Variants in DPP6 observed in about 807,000 individuals in gnomAD.
DPP6 encodes A-type potassium channel modulatory protein DPP6.
In DPP6, 69 loss-of-function variants were observed where a neutral mutation model predicts 122.6. That is an observed-to-expected ratio of 0.56 (90% CI 0.46 to 0.69). The LOEUF (loss-of-function observed/expected upper bound fraction) is 0.69. Among genes scored for constraint, DPP6 ranks in the 30% least tolerant of loss-of-function variants. DPP6 has a pLI of 0.00. For missense variants in DPP6, 928 were observed against 1,116.9 expected, an observed-to-expected ratio of 0.83 and a Z score of 2.41; for synonymous variants, 418 against 433.1, an observed-to-expected ratio of 0.97 and a Z score of 0.43.
At chr7:153,866,431 T>C in the DPP6 span, among the ~76,000 whole-genome samples, 3 of 152,194 alleles carry the variant, frequency 2.0e-5, no homozygotes, top group African/African-American at 7.2e-5. Context: ...TCATGTGTTT[T>C]TTGTCTGCAT....
At chr7:154,587,807 C>G (rs35392762) in intron 5 of DPP6, 10 of 1,612,220 alleles carry the variant, frequency 6.2e-6, no homozygotes, top group South Asian at 1.1e-5. Context: ...GACTATGTCT[C>G]GGCAGTCAAT....
chr7:153,901,417 C>T (rs957252972), intron 1 of DPP6, among the ~76,000 whole-genome samples: 2 of 152,158 alleles, frequency 1.3e-5, no homozygotes, highest in African/African-American at 2.4e-5. Context: ...GGATAAAGGT[C>T]GAAACCCTCT....
intron 1 of DPP6, among the ~76,000 whole-genome samples, chr7:153,940,869 G>T (rs1335560758): frequency 6.6e-6 from 1 of 152,158 alleles, no homozygotes; most frequent in Non-Finnish European, 1.5e-5. Flanking sequence ...AAGACAAGGT[G>T]TCTGGCCTTT....
At chr7:154,635,748 AC>A (rs1054308052) in intron 5 of DPP6, among the ~76,000 whole-genome samples, 19 of 152,172 alleles carry the variant, frequency 1.2e-4, no homozygotes, top group African/African-American at 4.1e-4. Flanking sequence ...GAGATGGGGA[AC>A]CCATTTCCAC....
intron 1 of DPP6, among the ~76,000 whole-genome samples, chr7:154,199,618 C>A (rs962378089): frequency 1.8e-4 from 25 of 142,170 alleles, no homozygotes; most frequent in African/African-American, 6.2e-4. Context: ...TTTTTTTTTT[C>A]TTTTTTTTTG....
intron 1 of DPP6, among the ~76,000 whole-genome samples, chr7:154,361,272 A>G (rs184606247): frequency 2.7e-5 from 4 of 146,158 alleles, no homozygotes; most frequent in Admixed American, 2.7e-4. Context: ...GAAGCTGACT[A>G]ACAGCACACT....
chr7:154,238,434 G>A (rs751401939), intron 1 of DPP6, among the ~76,000 whole-genome samples: 60 of 152,174 alleles, frequency 3.9e-4, no homozygotes, highest in Admixed American at 9.8e-4. Context: ...GACAATATGA[G>A]GTGATAATAG....
chr7:153,869,954 T>C, the DPP6 span, among the ~76,000 whole-genome samples: 1 of 152,234 alleles, frequency 6.6e-6, no homozygotes, highest in Non-Finnish European at 1.5e-5. Flanking sequence ...AAAATTCTTT[T>C]CTTTAAGAAT....
intron 1 of DPP6, among the ~76,000 whole-genome samples, chr7:154,325,919 A>G (rs1054691816): frequency 6.6e-6 from 1 of 152,210 alleles, no homozygotes; most frequent in Non-Finnish European, 1.5e-5. Context: ...GAACTGCCAT[A>G]TAAGAGGCAT....
At chr7:154,070,588 T>C (rs565352622) in intron 1 of DPP6, among the ~76,000 whole-genome samples, 13 of 152,334 alleles carry the variant, frequency 8.5e-5, no homozygotes, top group Admixed American at 1.3e-4. Context: ...TTTTTTTTCC[T>C]GAATGACATA....
intron 17 of DPP6, among the ~76,000 whole-genome samples, chr7:154,867,227 G>C (rs747415302): frequency 3.3e-5 from 5 of 152,156 alleles, no homozygotes; most frequent in Non-Finnish European, 5.9e-5. Context: ...TTTATGACAC[G>C]TCAGATGGTG....
At chr7:154,533,509 A>G (rs1828004941) in intron 3 of DPP6, among the ~76,000 whole-genome samples, 5 of 152,218 alleles carry the variant, frequency 3.3e-5, no homozygotes, top group Admixed American at 3.3e-4. Flanking sequence ...CAAATATTTA[A>G]GGCAAAAATA....
At chr7:154,085,079 A>G (rs1804308808) in intron 1 of DPP6, among the ~76,000 whole-genome samples, 1 of 151,816 alleles carries the variant, frequency 6.6e-6, no homozygotes, top group South Asian at 2.1e-4. Context: ...AATTCAGAAG[A>G]GCTTCATTAT....
intron 1 of DPP6, among the ~76,000 whole-genome samples, chr7:154,288,750 C>A (rs928908822): frequency 6.6e-6 from 1 of 152,056 alleles, no homozygotes; most frequent in Non-Finnish European, 1.5e-5. Flanking sequence ...AATAATCAGG[C>A]GCTGTTTTAA....
intron 17 of DPP6, among the ~76,000 whole-genome samples, chr7:154,855,397 C>T (rs982290871): frequency 6.6e-6 from 1 of 152,196 alleles, no homozygotes; most frequent in Non-Finnish European, 1.5e-5. Context: ...GGAGGGACCC[C>T]GTGCTGAGAA....
intron 1 of DPP6, among the ~76,000 whole-genome samples, chr7:154,243,919 G>C (rs1169839551): frequency 6.6e-6 from 1 of 151,932 alleles, no homozygotes; most frequent in Non-Finnish European, 1.5e-5. Context: ...CAGTGAACTA[G>C]CAGGACAGCA....
intron 1 of DPP6, among the ~76,000 whole-genome samples, chr7:154,279,298 A>G (rs774470173): frequency 1.3e-5 from 2 of 152,206 alleles, no homozygotes; most frequent in Non-Finnish European, 2.9e-5. Context: ...AGAACAAATC[A>G]TTTGGAAACA....
chr7:154,649,985 C>G (rs545824186), intron 6 of DPP6, among the ~76,000 whole-genome samples: 2 of 152,084 alleles, frequency 1.3e-5, no homozygotes, highest in Non-Finnish European at 2.9e-5. Context: ...AACTGCCCCT[C>G]TTGGTAGTCC....
intron 1 of DPP6, among the ~76,000 whole-genome samples, chr7:153,998,975 A>G (rs1797567622): frequency 1.3e-5 from 2 of 152,232 alleles, no homozygotes; most frequent in African/African-American, 2.4e-5. Context: ...CTGAGAGCCA[A>G]AGAGCTTCTG....
Sources: allele counts gnomAD v4.1 joint callset (sites outside exome capture counted in the v4.1 genomes callset), GRCh38; gene constraint gnomAD v4.1.1; transcripts MANE v1.5; gene names NCBI Gene and HGNC (gene_info 2026-07-23, HGNC 2026-07-21).